FGGY: variants seen among roughly 807,000 people sequenced by gnomAD.
The protein encoded by FGGY is FGGY carbohydrate kinase domain-containing protein.
FGGY carries 72 observed loss-of-function variants against 71.3 expected under a neutral mutation model. The ratio of observed to expected loss-of-function variants is 1.01; its 90% CI spans 0.84 to 1.23. The LOEUF (loss-of-function observed/expected upper bound fraction) is 1.23. Among genes scored for constraint, FGGY ranks in the 50% most tolerant of loss-of-function variants. The pLI, the probability that FGGY is intolerant of heterozygous loss-of-function variation, is 0.00. For missense variants in FGGY, 668 were observed against 682.3 expected, an observed-to-expected ratio of 0.98 and a Z score of 0.23; for synonymous variants, 251 against 250.3, an observed-to-expected ratio of 1.00 and a Z score of -0.02.
intron 14 of FGGY, among the ~76,000 whole-genome samples, chr1:59,731,433 G>C (rs2098027520): frequency 6.6e-6 from 1 of 152,132 alleles, no homozygotes; most frequent in Non-Finnish European, 1.5e-5. Flanking sequence ...TTTTAAGCAT[G>C]AACCGAGATG....
intron 8 of FGGY, among the ~76,000 whole-genome samples, chr1:59,594,111 C>T (rs1425477309): frequency 6.6e-6 from 1 of 152,164 alleles, no homozygotes; most frequent in Non-Finnish European, 1.5e-5. Flanking sequence ...AAATTGAGAA[C>T]CCAGCAACCC....
intron 14 of FGGY, among the ~76,000 whole-genome samples, chr1:59,733,461 G>GTTT (rs139679887): frequency 2.4e-3 from 342 of 145,076 alleles, no homozygotes; most frequent in African/African-American, 7.1e-3. Flanking sequence ...GTTTTGTTTT[G>GTTT]TTTTTTTGTT....
At chr1:59,586,607 T>C (rs1468668842) in intron 8 of FGGY, among the ~76,000 whole-genome samples, 1 of 151,990 alleles carries the variant, frequency 6.6e-6, no homozygotes, top group African/African-American at 2.4e-5. Context: ...TGTATACATA[T>C]GTAACAAACC....
chr1:59,595,752 C>T (rs1409305119), intron 8 of FGGY, among the ~76,000 whole-genome samples: 2 of 152,114 alleles, frequency 1.3e-5, no homozygotes, highest in Non-Finnish European at 2.9e-5. Context: ...TCTCACAGGA[C>T]TGACTGTACC....
chr1:59,329,332 T>TA, intron 2 of FGGY, among the ~76,000 whole-genome samples: 1 of 152,334 alleles, frequency 6.6e-6, no homozygotes, highest in Non-Finnish European at 1.5e-5. Flanking sequence ...GTACCTTAAT[T>TA]AAAAAATACT....
intron 6 of FGGY, among the ~76,000 whole-genome samples, chr1:59,493,316 G>C (rs1161890215): frequency 6.6e-6 from 1 of 152,080 alleles, no homozygotes. Context: ...GGAAAGCAAG[G>C]ACTCAAATAC....
In FGGY at chr1:59,580,390, C is replaced by G. The variant is rs144665800; in HGVS notation, c.903+26163C>G. ...GCAAGAGTTGCTTCCCTTTACCCCC[C>G]GCCTTGTTACACCCCAGCCCCAAGT... On this transcript the variant is annotated intron_variant, in intron 8 of 15. Transcript: ENST00000303721. Among the ~76,000 whole-genome samples, 783 of 152,204 alleles carry G rather than the reference C, an allele frequency of 5.1e-3. 9 individuals are homozygous for G. The highest frequency in any genetic ancestry group is 0.017 in the African/African-American group (710 of 41,520).
chr1:59,353,366 T>C (rs1264470769), intron 4 of FGGY, among the ~76,000 whole-genome samples: 1 of 152,234 alleles, frequency 6.6e-6, no homozygotes, highest in East Asian at 1.9e-4. Flanking sequence ...TAAAATATCC[T>C]ATTTCATGGG....
intron 8 of FGGY, among the ~76,000 whole-genome samples, chr1:59,584,233 C>A (rs1571628681): frequency 6.7e-6 from 1 of 149,634 alleles, no homozygotes; most frequent in South Asian, 2.1e-4. Flanking sequence ...GAATTTTAGA[C>A]CAATATCCCT....
At chr1:59,561,171 T>C (rs1406377096) in intron 8 of FGGY, among the ~76,000 whole-genome samples, 1 of 152,186 alleles carries the variant, frequency 6.6e-6, no homozygotes, top group Non-Finnish European at 1.5e-5. Context: ...TGGCAGAAGT[T>C]ACCAGAGGGG....
chr1:59,359,730 A>C (rs1455366107), intron 4 of FGGY, among the ~76,000 whole-genome samples: 1 of 152,174 alleles, frequency 6.6e-6, no homozygotes, highest in Non-Finnish European at 1.5e-5. Context: ...CAGAGTGTTT[A>C]GTAATAAAAA....
chr1:59,624,218 C>T (rs1442709072), intron 9 of FGGY, among the ~76,000 whole-genome samples: 1 of 151,892 alleles, frequency 6.6e-6, no homozygotes, highest in Non-Finnish European at 1.5e-5. Flanking sequence ...CAACGTATAC[C>T]TGGAAGTTCA....
intron 14 of FGGY, among the ~76,000 whole-genome samples, chr1:59,728,329 C>T (rs895611066): frequency 2.0e-5 from 3 of 152,032 alleles, no homozygotes; most frequent in Admixed American, 2.0e-4. Context: ...TCAATTCCTC[C>T]TTCCTATCCA....
intron 8 of FGGY, among the ~76,000 whole-genome samples, chr1:59,588,584 A>T (rs1043730548): frequency 5.3e-5 from 8 of 152,342 alleles, no homozygotes; most frequent in South Asian, 2.1e-4. Flanking sequence ...GACTAACAGC[A>T]GATCTCTTGG....
At chr1:59,614,607 C>G (rs541951560) in intron 9 of FGGY, among the ~76,000 whole-genome samples, 1 of 152,154 alleles carries the variant, frequency 6.6e-6, no homozygotes, top group Non-Finnish European at 1.5e-5. Context: ...GATGCCCTCT[C>G]TCACCACTGC....
At chr1:59,476,910 C>T (rs1161713236) in intron 6 of FGGY, among the ~76,000 whole-genome samples, 3 of 152,312 alleles carry the variant, frequency 2.0e-5, no homozygotes, top group East Asian at 3.9e-4. Flanking sequence ...GGAACCATCT[C>T]GGCTCCTCTG....
chr1:59,543,406 G>A (rs1325507035), intron 7 of FGGY, among the ~76,000 whole-genome samples: 2 of 151,986 alleles, frequency 1.3e-5, no homozygotes, highest in Non-Finnish European at 2.9e-5. Context: ...TGTCTTTTTT[G>A]GTCTTATTGT....
intron 8 of FGGY, among the ~76,000 whole-genome samples, chr1:59,575,352 G>C (rs2096060428): frequency 1.3e-5 from 2 of 152,032 alleles, no homozygotes; most frequent in Admixed American, 1.3e-4. Flanking sequence ...AAGTGAAATC[G>C]TGCAGTATTT....
intron 11 of FGGY, 55 bp from the exon 12 acceptor site, chr1:59,660,164 A>T: frequency 6.8e-7 from 1 of 1,481,044 alleles, no homozygotes. Context: ...AACTATCTTT[A>T]TCCACGGCAG....
Sources: allele counts gnomAD v4.1 joint callset (sites outside exome capture counted in the v4.1 genomes callset), GRCh38; gene constraint gnomAD v4.1.1; transcripts MANE v1.5; gene names NCBI Gene and HGNC (gene_info 2026-07-23, HGNC 2026-07-21).